Variants in LUC7L observed in about 807,000 individuals in gnomAD.
LUC7L encodes the protein LUC7 like.
Under a neutral mutation model 51.1 loss-of-function variants are expected in LUC7L, and 29 were observed. The ratio of observed to expected loss-of-function variants is 0.57; its 90% confidence interval spans 0.42 to 0.77. The LOEUF (loss-of-function observed/expected upper bound fraction) is 0.77, where lower values mean the gene tolerates loss of function less well. Among genes scored for constraint, LUC7L ranks in the 30% least tolerant of loss-of-function variants. The pLI is 0.00. For missense variants in LUC7L, 403 were observed against 511.9 expected, an observed-to-expected ratio of 0.79 and a Z score of 2.05; for synonymous variants, 181 against 180.7, an observed-to-expected ratio of 1.00 and a Z score of -0.01.
intron 1 of LUC7L, chr16:228,801 TCA>T (rs1362693494): frequency 7.8e-7 from 1 of 1,287,808 alleles, no homozygotes; most frequent in Non-Finnish European, 1.0e-6. Context: ...TTAGAAAAGC[TCA>T]GTTTACGGTT....
chr16:228,900 C>G, intron 1 of LUC7L: 1 of 1,340,610 alleles, frequency 7.5e-7, no homozygotes, highest in Non-Finnish European at 9.8e-7. Context: ...CAAGGAGCCT[C>G]GGAAGAGTTC....
chr16:213,942 C>T (rs1190575049), intron 3 of LUC7L, among the ~76,000 whole-genome samples: 1 of 151,904 alleles, frequency 6.6e-6, no homozygotes, highest in African/African-American at 2.4e-5. Context: ...TCTCCATCTC[C>T]TGATCTTGTG....
intron 3 of LUC7L, among the ~76,000 whole-genome samples, chr16:212,229 G>GT (rs1185540620): frequency 6.6e-6 from 1 of 152,148 alleles, no homozygotes; most frequent in East Asian, 1.9e-4. Flanking sequence ...GGAGGCGGAG[G>GT]TTGCAGTGAG....
intron 2 of LUC7L, among the ~76,000 whole-genome samples, chr16:226,955 T>A (rs759306899): frequency 6.6e-6 from 1 of 152,184 alleles, no homozygotes; most frequent in Admixed American, 6.5e-5. Context: ...ATGCCTGTAG[T>A]ACCAGCTGCT....
At chr16:189,732 G>A in intron 9 of LUC7L, 1 of 1,383,896 alleles carries the variant, frequency 7.2e-7, no homozygotes, top group African/African-American at 1.4e-5. Flanking sequence ...ACAGTGCACA[G>A]GCCCCAGGAC....
intron 6 of LUC7L, 110 bp downstream of exon 6, chr16:198,952 T>G: frequency 9.2e-7 from 1 of 1,083,974 alleles, no homozygotes; most frequent in Non-Finnish European, 1.3e-6. Context: ...AGTGCTGGGA[T>G]TATAGGCATC....
chr16:199,392 C>G (rs1464769744), intron 5 of LUC7L, among the ~76,000 whole-genome samples, 154 bp from the exon 6 acceptor site: 1 of 152,162 alleles, frequency 6.6e-6, no homozygotes, highest in African/African-American at 2.4e-5. Flanking sequence ...TTATAACCAA[C>G]TCAATTTTCA....
intron 2 of LUC7L, among the ~76,000 whole-genome samples, chr16:226,664 T>C (rs1321405434): frequency 6.6e-6 from 1 of 152,160 alleles, no homozygotes; most frequent in East Asian, 1.9e-4. Context: ...ACAACCAACT[T>C]GAGGTCAAAC....
At chr16:217,655 C>T (rs938538408) in intron 3 of LUC7L, among the ~76,000 whole-genome samples, 7 of 148,260 alleles carry the variant, frequency 4.7e-5, no homozygotes, top group African/African-American at 1.7e-4. Flanking sequence ...TGCAGTGGGC[C>T]GAGATCACAC....
At chr16:197,187 G>A (rs1279996764) in intron 6 of LUC7L, among the ~76,000 whole-genome samples, 1 of 147,964 alleles carries the variant, frequency 6.8e-6, no homozygotes, top group Non-Finnish European at 1.5e-5. Context: ...ATTACAGGAG[G>A]CTGAGCCTCT....
chr16:229,073 A>G, intron 1 of LUC7L: 1 of 1,416,248 alleles, frequency 7.1e-7, no homozygotes, highest in Non-Finnish European at 9.2e-7. Context: ...AGACTCCGAG[A>G]GAGGAGCCCG....
At chr16:225,269 C>T (rs760364830) in intron 2 of LUC7L, among the ~76,000 whole-genome samples, 9 of 151,896 alleles carry the variant, frequency 5.9e-5, no homozygotes, top group Admixed American at 1.3e-4. Flanking sequence ...GGGTGGATCA[C>T]GAGGTCAGGA....
At chr16:207,954 A>T in intron 4 of LUC7L, 124 bp downstream of exon 4, 1 of 615,318 alleles carries the variant, frequency 1.6e-6, no homozygotes, top group East Asian at 3.2e-5. Context: ...GCTTGCACTG[A>T]GCTGAGATCA....
intron 5 of LUC7L, among the ~76,000 whole-genome samples, chr16:201,324 CTA>C (rs1303588971): frequency 6.7e-6 from 1 of 150,342 alleles, no homozygotes; most frequent in Admixed American, 6.6e-5. Context: ...CTGTCCCCTT[CTA>C]TAGTTTTGAA....
intron 3 of LUC7L, among the ~76,000 whole-genome samples, chr16:210,203 C>G (rs1567183879): frequency 6.6e-6 from 1 of 152,170 alleles, no homozygotes. Flanking sequence ...AGGAGAACTG[C>G]TTGAACCTGG....
At chr16:189,471 G>A (rs947646063) in intron 9 of LUC7L, 132 bp from the exon 10 acceptor site, 2 of 1,427,330 alleles carry the variant, frequency 1.4e-6, no homozygotes, top group African/African-American at 1.4e-5. Context: ...ACCCCCCGGA[G>A]GCCAACCAGA....
In LUC7L at chr16:229,360, G is replaced by A. The variant is rs1356292552; in HGVS notation, c.-21C>T. The A allele has an allele frequency of 2.7e-6, 4 of 1,492,260 alleles. No homozygotes were observed. The highest frequency in any genetic ancestry group is 4.4e-5 in the Admixed American group (2 of 45,360). 92.4% of individuals were successfully genotyped at this position (1,492,260 alleles called of 1,614,324 possible). ...GACATGGTAGCCGGCGGAGGCGACG[G>A]GGTCGGCCGCGACGACTTCTCTCAG... On this transcript the variant is annotated 5_prime_UTR_variant, in exon 1 of 10. Coordinates refer to ENST00000293872, the MANE Select transcript of LUC7L (RefSeq NM_201412.3).
chr16:229,434 G>A lies in LUC7L; in HGVS notation c.-95C>T, dbSNP rs1008453153. 15 of 1,139,836 alleles carry A rather than the reference G, an allele frequency of 1.3e-5. No individual in the cohort carries two copies. Among genetic ancestry groups the A allele is most frequent in the Admixed American group, 1.0e-4 (3 of 30,078 alleles). 70.6% of individuals were successfully genotyped at this position (1,139,836 alleles called of 1,614,324 possible). A position where few individuals can be genotyped will look rare whatever the true frequency, so the allele number is the denominator to read the frequency against. ...CAAACGATGGTCGCGTCGGCCTCGA[G>A]CCCACTCGGCTCTTTCCCGCCGCGG... On this transcript the variant is annotated 5_prime_UTR_variant, in exon 1 of 10. Coordinates refer to ENST00000293872, the MANE Select transcript of LUC7L (RefSeq NM_201412.3).
intron 2 of LUC7L, among the ~76,000 whole-genome samples, chr16:221,186 A>ATTTTTTTTTT (rs372906826): frequency 5.8e-4 from 59 of 101,238 alleles, no homozygotes; most frequent in East Asian, 1.7e-3. Flanking sequence ...CACCCAGCTA[A>ATTTTTTTTTT]TTTTTTTTTT....
Sources: gnomAD v4.1 joint callset for allele counts (sites outside exome capture counted in the v4.1 genomes callset) on GRCh38, gnomAD v4.1.1 for gene constraint, MANE v1.5 for transcripts, NCBI Gene and HGNC (gene_info 2026-07-23, HGNC 2026-07-21) for gene names.